The following LMBRD1 variants were observed in gnomAD, a reference collection of about 807,000 sequenced individuals.
LMBRD1 encodes lysosomal cobalamin transport escort protein LMBD1.
A neutral mutation model predicts 74.8 loss-of-function variants in LMBRD1; 64 were observed. That is an observed-to-expected ratio of 0.86 (90% CI 0.70 to 1.05). LMBRD1 has a LOEUF of 1.05. Ranked by LOEUF, LMBRD1 falls within the 50% of genes least tolerant of loss-of-function variation. The pLI is 0.00. For missense variants in LMBRD1, 652 were observed against 645.9 expected (o/e 1.01, Z -0.10); for synonymous variants, 204 against 216.3 (o/e 0.94, Z 0.50).
intron 14 of LMBRD1, among the ~76,000 whole-genome samples, chr6:69,684,174 A>C (rs920687319): frequency 6.6e-6 from 1 of 152,050 alleles, no homozygotes; most frequent in African/African-American, 2.4e-5. Flanking sequence ...CCATAAAATA[A>C]GGACACTTGA....
chr6:69,769,040 C>T (rs1366645901), intron 3 of LMBRD1, among the ~76,000 whole-genome samples: 1 of 152,092 alleles, frequency 6.6e-6, no homozygotes, highest in East Asian at 1.9e-4. Flanking sequence ...TTGGGCTTCA[C>T]TGAGCTTCTT....
At position 69,754,759 on chromosome 6, in the gene LMBRD1, C is replaced by A. The variant is rs892689711; in HGVS notation, c.308-2403G>T. Among the ~76,000 whole-genome samples, 14 of 152,082 alleles carry A rather than the reference C, an allele frequency of 9.2e-5. 1 individual carries two copies. The highest frequency in any genetic ancestry group is 1.5e-4 in the Non-Finnish European group (10 of 68,002). On this transcript the variant is annotated intron_variant, in intron 3 of 15. Coordinates refer to ENST00000649934, the MANE Select transcript of LMBRD1 (RefSeq NM_018368.4). ...AAACAAATTTACAAGAAATAAACAA[C>A]CCCATCAAAAAGTGGGCAAAGGATA... is the stretch of plus-strand genomic sequence containing the variant.
At chr6:69,740,091 G>A (rs1040383644) in intron 6 of LMBRD1, among the ~76,000 whole-genome samples, 5 of 150,572 alleles carry the variant, frequency 3.3e-5, no homozygotes, top group African/African-American at 1.3e-4. Context: ...GGGTGACAGA[G>A]CAAGACTCCG....
chr6:69,782,251 A>T (rs1414670416), intron 2 of LMBRD1, among the ~76,000 whole-genome samples: 3 of 152,234 alleles, frequency 2.0e-5, no homozygotes, highest in Non-Finnish European at 4.4e-5. Context: ...ACAAAGCGAT[A>T]AGCTAGCCCA....
At position 69,796,710 on chromosome 6, in the gene LMBRD1, G is replaced by C. The variant is rs1449014127; in HGVS notation, c.69+103C>G. On this transcript the variant is annotated intron_variant, in intron 1 of 15. Coordinates refer to ENST00000649934, the MANE Select transcript of LMBRD1 (RefSeq NM_018368.4). The stretch of plus-strand genomic sequence containing the variant: ...CACAGTCCAAGCTAAAAGCGGGGCG[G>C]GGCGAAGAGGGTCTCCGGGGCCCGG... 3.7e-6 allele frequency: 4 copies of C among 1,070,720 alleles called. No homozygotes were observed. The African/African-American group carries it at 4.7e-5, about 13-fold the overall frequency. 66.3% of individuals were successfully genotyped at this position (1,070,720 alleles called of 1,614,324 possible).
chr6:69,709,019 G>A (rs1271575640), intron 9 of LMBRD1, among the ~76,000 whole-genome samples: 1 of 152,182 alleles, frequency 6.6e-6, no homozygotes, highest in African/African-American at 2.4e-5. Flanking sequence ...CAGATCGCCT[G>A]AGGTCAGGAG....
chr6:69,755,684 A>G (rs1455549938), intron 3 of LMBRD1, among the ~76,000 whole-genome samples: 1 of 152,222 alleles, frequency 6.6e-6, no homozygotes, highest in African/African-American at 2.4e-5. Context: ...TACCATGCCA[A>G]TATTAGGATT....
At chr6:69,705,766 C>T in intron 9 of LMBRD1, 4 of 1,198,170 alleles carry the variant, frequency 3.3e-6, no homozygotes, top group Non-Finnish European at 4.9e-6. Context: ...AAGAGTTTCA[C>T]ATCCTCCTCC....
chr6:69,786,151 G>A (rs772474806), intron 2 of LMBRD1, among the ~76,000 whole-genome samples: 2 of 152,186 alleles, frequency 1.3e-5, no homozygotes, highest in South Asian at 4.1e-4. Flanking sequence ...AACCTCATTT[G>A]CCTTAATGAT....
chr6:69,794,542 C>T (rs999506692), intron 1 of LMBRD1, among the ~76,000 whole-genome samples: 5 of 152,176 alleles, frequency 3.3e-5, no homozygotes, highest in African/African-American at 1.2e-4. Context: ...ATTCAGACTT[C>T]GCTTTTTGGC....
chr6:69,795,593 G>A lies in LMBRD1; in HGVS notation c.69+1220C>T, dbSNP rs559129705. ...ATTTTTTTCTAAACAAACTAAATCT[G>A]ATGGACTGGAAAAGCCAGGGGGCTC... On this transcript the variant is annotated intron_variant, in intron 1 of 15. Coordinates refer to ENST00000649934, the MANE Select transcript of LMBRD1 (RefSeq NM_018368.4). Among the ~76,000 whole-genome samples, 52 of 152,254 alleles carry A rather than the reference G, an allele frequency of 3.4e-4. 2 individuals carry two copies. In the East Asian group the frequency reaches 8.7e-3, roughly 25 times the overall value.
intron 12 of LMBRD1, among the ~76,000 whole-genome samples, chr6:69,700,362 C>T (rs572615090): frequency 2.7e-4 from 41 of 151,792 alleles, no homozygotes; most frequent in Non-Finnish European, 2.7e-4. Flanking sequence ...CTATTATATT[C>T]GAATGTGTTT....
At chr6:69,751,785 T>C (rs1270407296) in intron 4 of LMBRD1, among the ~76,000 whole-genome samples, 2 of 152,238 alleles carry the variant, frequency 1.3e-5, no homozygotes, top group Non-Finnish European at 2.9e-5. Context: ...CTCTGGATAC[T>C]TTTAACACTA....
chr6:69,705,826 C>A, intron 9 of LMBRD1: 1 of 1,266,416 alleles, frequency 7.9e-7, no homozygotes, highest in Non-Finnish European at 1.1e-6. Context: ...ATGTTGTTCA[C>A]TAATATGCAC....
chr6:69,696,374 A>G (rs555519757), intron 14 of LMBRD1, among the ~76,000 whole-genome samples: 1 of 152,222 alleles, frequency 6.6e-6, no homozygotes, highest in South Asian at 2.1e-4. Flanking sequence ...TATCTATATA[A>G]CTGCTATAAT....
intron 4 of LMBRD1, among the ~76,000 whole-genome samples, chr6:69,749,648 C>A (rs1396309744): frequency 6.6e-6 from 1 of 151,470 alleles, no homozygotes; most frequent in Non-Finnish European, 1.5e-5. Flanking sequence ...AACCAATCCA[C>A]CTAAAGCATA....
At position 69,780,052 on chromosome 6, in the gene LMBRD1, T is replaced by A. The variant is rs187224545; in HGVS notation, c.307+442A>T. Reference sequence around the variant, plus strand: ...CTGGCGACATGGCCGTCCCCACATATCCCCACCTGTGTAGAAGATCATGGC... The same window carrying A: ...CTGGCGACATGGCCGTCCCCACATAACCCCACCTGTGTAGAAGATCATGGC... On this transcript the variant is annotated intron_variant, in intron 3 of 15. Transcript: ENST00000649934. Among the ~76,000 whole-genome samples the A allele has an allele frequency of 2.0e-3, 299 of 150,920 alleles. 1 individual carries two copies. The highest frequency in any genetic ancestry group is 7.1e-3 in the African/African-American group (290 of 41,036).
chr6:69,719,080 G>T lies in LMBRD1; in HGVS notation c.638C>A (p.Ala213Asp). ...IGMLAAITYT[A>D]YGMSALPLNL... ...TAAAGGTAACGCAGACATGCCATAG[G>T]CCTAAAAGAAAAACAATTGAAATGT... The change falls in exon 8 of 16, where the codon GCC becomes GAC. Residue 213 changes from alanine (A) to aspartate (D), a missense_variant and splice_region_variant. Physicochemically the swap from Ala to Asp is moderately radical, Grantham distance 126. Around this residue, in one of 3 missense-constraint regions of LMBRD1, gnomAD observed 598 missense variants for 581.8 expected, o/e 1.03. Transcript: ENST00000649934. 1 of 1,612,036 alleles carries T rather than the reference G, an allele frequency of 6.2e-7. No individual in the cohort carries two copies. Among genetic ancestry groups the T allele is most frequent in the Non-Finnish European group, 8.5e-7 (1 of 1,178,726 alleles).
At chr6:69,713,929 ACC>A in intron 8 of LMBRD1, 132 bp from the exon 9 acceptor site, 1 of 860,996 alleles carries the variant, frequency 1.2e-6, no homozygotes, top group Non-Finnish European at 1.8e-6. Context: ...ACTAAAAAAA[ACC>A]TGACAACTGC....
Sources: gnomAD v4.1 joint callset for allele counts (sites outside exome capture counted in the v4.1 genomes callset) on GRCh38, gnomAD v4.1.1 for gene constraint, gnomAD v4.1.1 regional missense constraint, MANE v1.5 for transcripts, NCBI Gene and HGNC (gene_info 2026-07-23, HGNC 2026-07-21) for gene names.